ZFHX3: variants seen among roughly 807,000 people sequenced by gnomAD.
The protein encoded by ZFHX3 is zinc finger homeobox protein 3.
ZFHX3 carries 42 observed loss-of-function variants against 279.1 expected under a neutral mutation model. The ratio of observed to expected loss-of-function variants is 0.15; its 90% confidence interval spans 0.12 to 0.19. The LOEUF is 0.19. Among genes scored for constraint, ZFHX3 ranks in the 10% least tolerant of loss-of-function variants. The pLI is 1.00. For missense variants in ZFHX3, 4,981 were observed against 4,754.0 expected (o/e 1.05, Z -1.40); for synonymous variants, 2,293 against 1,957.8 (o/e 1.17, Z -4.52).
intron 7 of ZFHX3, among the ~76,000 whole-genome samples, chr16:73,127,881 C>T (rs1447750407): frequency 6.6e-6 from 1 of 152,168 alleles, no homozygotes; most frequent in Non-Finnish European, 1.5e-5. Flanking sequence ...TAGATGTGAA[C>T]ATGTAACTTG....
Position 73,791,622 on chromosome 16 carries a change from A to C in ZFHX3, c.-1608+100029T>G, listed in dbSNP as rs149687910. Among the ~76,000 whole-genome samples the C allele has an allele frequency of 9.3e-3, 1,409 of 151,484 alleles. 17 individuals carry two copies. Among genetic ancestry groups the C allele is most frequent in the African/African-American group, 0.032 (1,312 of 41,290 alleles). On this transcript the variant is annotated intron_variant, in intron 1 of 17. Transcript: ENST00000641206. ...TGTATTTTAATAGAGATGGGGTTTC[A>C]CCATGTTGGCCAGGATGGTCTCGAT... is the stretch of plus-strand genomic sequence containing the variant.
intron 1 of ZFHX3, among the ~76,000 whole-genome samples, chr16:72,995,282 C>T (rs1276502749): frequency 6.6e-6 from 1 of 152,124 alleles, no homozygotes; most frequent in Non-Finnish European, 1.5e-5. Flanking sequence ...TTCAAACTTT[C>T]CCCTCCACTC....
intron 2 of ZFHX3, among the ~76,000 whole-genome samples, chr16:73,645,246 T>C (rs1350540825): frequency 6.6e-6 from 1 of 152,218 alleles, no homozygotes; most frequent in Non-Finnish European, 1.5e-5. Flanking sequence ...ACCATCTTTT[T>C]AAATCATTAT....
intron 4 of ZFHX3, among the ~76,000 whole-genome samples, chr16:73,292,110 A>C (rs28469592): frequency 0.036 from 5,546 of 152,234 alleles, 325 homozygotes; most frequent in African/African-American, 0.13. Flanking sequence ...AGTTGTATAG[A>C]TTGGGGAGGA....
Position 73,338,780 on chromosome 16 carries a change from C to T in ZFHX3, c.-1290-20444G>A, listed in dbSNP as rs192691835. Among the ~76,000 whole-genome samples, 648 of 152,258 alleles carry T rather than the reference C, an allele frequency of 4.3e-3. 11 individuals carry two copies. The highest frequency in any genetic ancestry group is 3.4e-3 in the Middle Eastern group (1 of 294). ...AAATCTCATGCTGAAATGTAATCCC[C>T]AGTGTTATAGGAGGGGCCTGGTGGA... On this transcript the variant is annotated intron_variant, in intron 3 of 17. Coordinates refer to the ZFHX3 transcript ENST00000641206.
chr16:73,375,045 A>C (rs1180466717), intron 3 of ZFHX3, among the ~76,000 whole-genome samples: 3 of 152,166 alleles, frequency 2.0e-5, no homozygotes, highest in Non-Finnish European at 4.4e-5. Flanking sequence ...GGGCATCTTA[A>C]TTCTAACATT....
chr16:73,590,828 TA>T (rs2051986979), intron 2 of ZFHX3, among the ~76,000 whole-genome samples: 1 of 152,174 alleles, frequency 6.6e-6, no homozygotes, highest in South Asian at 2.1e-4. Context: ...CCAATGGCTA[TA>T]ATGTCACAAC....
Position 73,177,976 on chromosome 16 carries a change from G to A in ZFHX3, c.-1103-34145C>T, listed in dbSNP as rs574215971. On this transcript the variant is annotated intron_variant, in intron 5 of 17. Coordinates refer to the ZFHX3 transcript ENST00000641206. ...TGAAAAACAGAAAGACCCATCAGTC[G>A]GGGCGGGCTACCTCTCTGCAGGCAT... 4.6e-5 allele frequency among the ~76,000 whole-genome samples: 7 copies of A among 152,208 alleles called. No individual in the cohort carries two copies. In the South Asian group the frequency reaches 1.0e-3, roughly 23 times the overall value.
At chr16:72,812,976 G>A (rs2036503761) in intron 5 of ZFHX3, among the ~76,000 whole-genome samples, 2 of 152,158 alleles carry the variant, frequency 1.3e-5, no homozygotes, top group South Asian at 4.1e-4. Flanking sequence ...CCTGCTATCT[G>A]CTCCTCCTTC....
chr16:73,495,087 T>C (rs1286121782), intron 2 of ZFHX3, among the ~76,000 whole-genome samples: 2 of 152,240 alleles, frequency 1.3e-5, no homozygotes, highest in Admixed American at 1.3e-4. Context: ...TGTATCTCTT[T>C]ACTGCTGCAG....
At chr16:72,900,798 G>A (rs779081657) in intron 3 of ZFHX3, among the ~76,000 whole-genome samples, 1 of 152,190 alleles carries the variant, frequency 6.6e-6, no homozygotes, top group Non-Finnish European at 1.5e-5. Context: ...TCATCATGAC[G>A]CCGATCTGGG....
intron 4 of ZFHX3, among the ~76,000 whole-genome samples, chr16:73,304,557 A>G (rs2015135759): frequency 6.6e-6 from 1 of 152,148 alleles, no homozygotes. Flanking sequence ...ACATTAGCCT[A>G]AAATATGAGC....
chr16:73,481,112 C>T (rs1236872996), intron 2 of ZFHX3, among the ~76,000 whole-genome samples: 2 of 152,098 alleles, frequency 1.3e-5, no homozygotes, highest in Non-Finnish European at 2.9e-5. Context: ...AGGTAGATCA[C>T]TTGAGGTCAG....
At chr16:73,776,930 A>T (rs1422822623) in intron 1 of ZFHX3, among the ~76,000 whole-genome samples, 1 of 152,088 alleles carries the variant, frequency 6.6e-6, no homozygotes, top group Non-Finnish European at 1.5e-5. Flanking sequence ...ATTTACATCC[A>T]TGCACATTGT....
chr16:73,861,925 T>C (rs1259011464), intron 1 of ZFHX3, among the ~76,000 whole-genome samples: 1 of 152,244 alleles, frequency 6.6e-6, no homozygotes. Context: ...ATTTGTTTTG[T>C]CGAGAGGACT....
chr16:73,690,624 T>C (rs1196110612), intron 1 of ZFHX3, among the ~76,000 whole-genome samples: 1 of 152,242 alleles, frequency 6.6e-6, no homozygotes, highest in Admixed American at 6.5e-5. Flanking sequence ...CCCTTGAATC[T>C]GGGCATGACC....
intron 4 of ZFHX3, among the ~76,000 whole-genome samples, chr16:72,842,830 C>A (rs555028662): frequency 6.6e-6 from 1 of 151,946 alleles, no homozygotes; most frequent in African/African-American, 2.4e-5. Context: ...AGGAAATGTT[C>A]CAGGAGAATG....
intron 1 of ZFHX3, among the ~76,000 whole-genome samples, chr16:73,779,638 G>A (rs1959382677): frequency 6.6e-6 from 1 of 152,194 alleles, no homozygotes; most frequent in Non-Finnish European, 1.5e-5. Context: ...AGGCAGAGAA[G>A]CACCAGTCAA....
chr16:73,266,641 T>G (rs2013984623), intron 4 of ZFHX3, among the ~76,000 whole-genome samples: 1 of 152,202 alleles, frequency 6.6e-6, no homozygotes, highest in Non-Finnish European at 1.5e-5. Flanking sequence ...CATCTTGAAT[T>G]GTAGCTTTCA....
Sources: allele counts gnomAD v4.1 joint callset (sites outside exome capture counted in the v4.1 genomes callset), GRCh38; gene constraint gnomAD v4.1.1; transcripts MANE v1.5; gene names NCBI Gene and HGNC (gene_info 2026-07-23, HGNC 2026-07-21).